The following ERMARD variants were observed in gnomAD, a reference collection of about 807,000 sequenced individuals.
The protein encoded by ERMARD is endoplasmic reticulum membrane-associated RNA degradation protein.
ERMARD carries 71 observed loss-of-function variants against 83.9 expected under a neutral mutation model. That is an observed-to-expected ratio of 0.85 (90% CI 0.70 to 1.03). ERMARD has a LOEUF of 1.03. ERMARD is among the 50% of genes least tolerant of loss of function. ERMARD has a pLI of 0.00. For synonymous variants in ERMARD, 284 were observed against 298.6 expected (o/e 0.95, Z 0.50); for missense variants, 838 against 810.9 (o/e 1.03, Z -0.41).
Position 169,779,242 on chromosome 6 carries a change from C to A in ERMARD, c.1800C>A (p.Val600=), listed in dbSNP as rs991949426. ...LILLLIALEL[V]NIHAVCGKNA... Reference sequence around the variant, plus strand: ...TGTTACTCATTGCGCTGGAGTTGGTCAACATTCATGCTGTTTGTGGGAAGA... The same window carrying A: ...TGTTACTCATTGCGCTGGAGTTGGTAAACATTCATGCTGTTTGTGGGAAGA... The change falls in exon 17 of 18, where the codon GTC becomes GTA. Residue 600 remains valine (V), a synonymous_variant. Transcript: ENST00000366773. 1.2e-6 allele frequency: 2 copies of A among 1,614,062 alleles called. No homozygotes were observed. Among genetic ancestry groups the A allele is most frequent in the Admixed American group, 1.7e-5 (1 of 60,006 alleles).
At chr6:169,751,438 G>A (rs1257501569), upstream of ERMARD, 3 of 1,614,048 alleles carry the variant, frequency 1.9e-6, no homozygotes, top group Admixed American at 5.0e-5. Context: ...TCGACTTCAC[G>A]CCTCGGCCTC....
intron 16 of ERMARD, among the ~76,000 whole-genome samples, chr6:169,776,993 G>T (rs1465734045): frequency 6.6e-6 from 1 of 152,216 alleles, no homozygotes; most frequent in Non-Finnish European, 1.5e-5. Flanking sequence ...CAGTCCGCAG[G>T]TGTAAGGTGT....
chr6:169,769,253 A>G (rs1366756113), intron 11 of ERMARD, among the ~76,000 whole-genome samples: 1 of 152,194 alleles, frequency 6.6e-6, no homozygotes, highest in Admixed American at 6.5e-5. Flanking sequence ...GGAAAAGCTC[A>G]TTTGCAAATG....
chr6:169,767,884 C>T (rs1562336237), intron 10 of ERMARD: 3 of 570,818 alleles, frequency 5.3e-6, no homozygotes, highest in Non-Finnish European at 3.1e-6. Context: ...CACAAACACA[C>T]ATGTGTATAC....
rs1794191649 is a variant in ERMARD, at chr6:169,781,471, AAT to A, written c.1997_1998del (p.Ile666ThrfsTer9). ...CTTTTAGTGAGAAGAAACAAATGTT[AAT>A]ACATTTAGCCAAGAAATCCACAAGT... is the stretch of plus-strand genomic sequence containing the variant. ...WTFSEKKQML[I>X]HLAKKSTSKV... On this transcript the variant is annotated frameshift_variant, in exon 18 of 18. Coordinates refer to ENST00000366773, the MANE Select transcript of ERMARD (RefSeq NM_018341.3). LOFTEE classifies it low-confidence loss of function (END_TRUNC). 3.7e-6 allele frequency: 6 copies of A among 1,608,168 alleles called. No individual in the cohort carries two copies. The highest frequency in any genetic ancestry group is 5.1e-6 in the Non-Finnish European group (6 of 1,177,664).
chr6:169,752,104 C>T (rs1290786878), intron 1 of ERMARD, among the ~76,000 whole-genome samples: 1 of 152,204 alleles, frequency 6.6e-6, no homozygotes, highest in Non-Finnish European at 1.5e-5. Flanking sequence ...GCCTGTGGTC[C>T]CATCTACTCC....
intron 16 of ERMARD, among the ~76,000 whole-genome samples, 172 bp downstream of exon 16, chr6:169,776,845 A>G (rs897597831): frequency 2.0e-5 from 3 of 152,224 alleles, no homozygotes; most frequent in Non-Finnish European, 2.9e-5. Context: ...TATCTGAGAC[A>G]GGTCTCAATC....
At chr6:169,774,946 C>G in intron 13 of ERMARD, among the ~76,000 whole-genome samples, 1 of 152,214 alleles carries the variant, frequency 6.6e-6, no homozygotes, top group East Asian at 1.9e-4. Flanking sequence ...GTCACACCTG[C>G]TGTGTTCTGT....
chr6:169,772,725 G>A lies in ERMARD; in HGVS notation c.1234-594G>A, dbSNP rs573367978. On this transcript the variant is annotated intron_variant, in intron 12 of 17. Coordinates refer to ENST00000366773, the MANE Select transcript of ERMARD (RefSeq NM_018341.3). Reference sequence around the variant, plus strand: ...GCAGAGGTTGCAGTGAGCCGAGATCGCGCCAGTGCACTCCAGCCTGGGCAA... The same window carrying A: ...GCAGAGGTTGCAGTGAGCCGAGATCACGCCAGTGCACTCCAGCCTGGGCAA... 3.7e-4 allele frequency among the ~76,000 whole-genome samples: 55 copies of A among 146,830 alleles called. 3 individuals are homozygous for A. The East Asian group carries it at 6.3e-3, about 17-fold the overall frequency.
rs569704772 is a variant in ERMARD at position 169,775,323 on chromosome 6, A to G, written c.1371A>G (p.Glu457=). 4.3e-6 allele frequency: 7 copies of G among 1,614,160 alleles called. No individual in the cohort carries two copies. The East Asian group carries it at 1.6e-4, about 36-fold the overall frequency. ...TTTGGGCTCTGCTGCCTTTCCCCGA[A>G]GAACTCACTCGGCAAGCCGTCAGGT... ...IRVWALLPFP[E]ELTRQAVRLE... The change falls in exon 14 of 18, where the codon GAA becomes GAG. Residue 457 remains glutamate (E), a synonymous_variant. Transcript: ENST00000366773.
In ERMARD at chr6:169,760,677, G is replaced by A; in HGVS notation, c.778G>A (p.Val260Met). The stretch of plus-strand genomic sequence containing the variant: ...TGAGGTGCTTTCAGTATTAGAAGAA[G>A]TGATGATGAAATCTGCTTTTATATT... Reference protein sequence around the residue: ...TYEVLSVLEEVMMKSAFILKI... With the variant: ...TYEVLSVLEEMMMKSAFILKI... Residue 260 changes from valine to methionine, a missense_variant, in exon 8 of 18, where the codon GTG becomes ATG. By Grantham distance (21) the Val-to-Met change is conservative. Coordinates refer to ENST00000366773, the MANE Select transcript of ERMARD (RefSeq NM_018341.3). 1 of 1,613,620 alleles carries A rather than the reference G, an allele frequency of 6.2e-7. No homozygotes were observed. The highest frequency in any genetic ancestry group is 8.5e-7 in the Non-Finnish European group (1 of 1,179,586).
intron 5 of ERMARD, 147 bp downstream of exon 5, chr6:169,756,955 A>C (rs1302705247): frequency 2.8e-6 from 2 of 713,540 alleles, no homozygotes; most frequent in African/African-American, 1.8e-5. Flanking sequence ...TGGCAGGAGG[A>C]GAAAGACATT....
chr6:169,775,128 ACACC>A (rs1204417740), intron 13 of ERMARD, 138 bp from the exon 14 acceptor site: 1 of 843,812 alleles, frequency 1.2e-6, no homozygotes, highest in Non-Finnish European at 1.8e-6. Context: ...TGAAGAACTG[ACACC>A]CACCATCTGG....
At chr6:169,767,571 A>T (rs533595950) in intron 10 of ERMARD, 1 of 160,300 alleles carries the variant, frequency 6.2e-6, no homozygotes, top group African/African-American at 2.4e-5. Flanking sequence ...ATGTGTACAC[A>T]AACACACATG....
At position 169,769,752 on chromosome 6, in the gene ERMARD, C is replaced by A. The variant is rs377065302; in HGVS notation, c.1233+39C>A. ...AAGAAAATCATTAATTAGATTAACT[C>A]ATTCAGCTATGAAAATATAGTTTAT... is the stretch of plus-strand genomic sequence containing the variant. On this transcript the variant is annotated intron_variant, in intron 12 of 17. Transcript: ENST00000366773. 1.5e-5 allele frequency: 22 copies of A among 1,502,686 alleles called. No individual in the cohort carries two copies. In the African/African-American group the frequency reaches 2.4e-4, roughly 16 times the overall value. The allele number at this position is 1,502,686 out of a possible 1,614,324, so 93.1% of individuals were successfully genotyped here.
chr6:169,775,810 A>T, intron 14 of ERMARD, 130 bp from the exon 15 acceptor site: 2 of 1,231,722 alleles, frequency 1.6e-6, no homozygotes, highest in Non-Finnish European at 2.2e-6. Flanking sequence ...GGCTTTTTCC[A>T]TTTTATATTT....
At chr6:169,767,885 A>G (rs1792419210) in intron 10 of ERMARD, 1 of 572,728 alleles carries the variant, frequency 1.7e-6, no homozygotes, top group South Asian at 2.1e-5. Context: ...ACAAACACAC[A>G]TGTGTATACA....
chr6:169,755,243 T>G (rs1191342852), intron 2 of ERMARD, 40 bp from the exon 3 acceptor site: 1 of 1,584,176 alleles, frequency 6.3e-7, no homozygotes. Flanking sequence ...TCATGTGATA[T>G]GGAGCTATGG....
chr6:169,758,902 T>G (rs1439099328), intron 5 of ERMARD, 66 bp from the exon 6 acceptor site: 3 of 1,399,912 alleles, frequency 2.1e-6, no homozygotes, highest in Non-Finnish European at 3.0e-6. Flanking sequence ...ACAAATGTTA[T>G]CTTCATACTA....
Sources: allele counts gnomAD v4.1 joint callset (sites outside exome capture counted in the v4.1 genomes callset), GRCh38; gene constraint gnomAD v4.1.1; transcripts MANE v1.5; gene names NCBI Gene and HGNC (gene_info 2026-07-23, HGNC 2026-07-21).